The following RNF112 variants were observed in gnomAD, a reference collection of about 807,000 sequenced individuals.
RNF112 encodes the protein brain finger protein.
RNF112 carries 34 observed loss-of-function variants against 64.7 expected under a neutral mutation model. That is an observed-to-expected ratio of 0.53 (90% CI 0.40 to 0.70). The LOEUF is 0.70. RNF112 is among the 30% of genes least tolerant of loss of function. RNF112 has a pLI of 0.00. For missense variants in RNF112, 734 were observed against 850.0 expected, an observed-to-expected ratio of 0.86 and a Z score of 1.70; for synonymous variants, 345 against 344.5, an observed-to-expected ratio of 1.00 and a Z score of -0.02.
rs771601300 is a variant in RNF112 at position 19,413,015 on chromosome 17, G to A, written c.459G>A (p.Gly153=). 62 of 1,611,584 alleles carry A rather than the reference G, an allele frequency of 3.8e-5. No homozygotes were observed. Among genetic ancestry groups the A allele is most frequent in the Non-Finnish European group, 4.8e-5 (57 of 1,179,214 alleles). Residue 153 remains glycine (G), a synonymous_variant, in exon 4 of 14, where the codon GGG becomes GGA. Coordinates refer to ENST00000461366, the MANE Select transcript of RNF112 (RefSeq NM_007148.5). The surrounding 1 kb of genome is among the most constrained non-coding windows in gnomAD (Gnocchi z 5.9). ...CTGGGGGCCTCATCCTTAGGATGGG[G>A]GCCATCAACCGCTGCCTGAAGCACC... ...NASGGLILRM[G]AINRCLKHPL...
In RNF112 at chr17:19,416,152, G is replaced by A; in HGVS notation, c.1873G>A (p.Glu625Lys). The change falls in exon 14 of 14, where the codon GAG (glutamate) becomes AAG (lysine). Residue 625 changes from glutamate to lysine, a missense_variant. Glu to Lys is a moderately conservative substitution (Grantham distance 56, BLOSUM62 1). Transcript: ENST00000461366. Reference protein sequence around the residue: ...EDERLLEGDREPLLQEE With the variant: ...EDERLLEGDRKPLLQEE ...TGAGAGGCTTCTGGAAGGGGACCGA[G>A]AGCCCCTTCTCCAGGAAGAGTAACA... is the stretch of plus-strand genomic sequence containing the variant. The A allele has an allele frequency of 6.4e-7, 1 of 1,564,110 alleles. No homozygotes were observed. Among genetic ancestry groups the A allele is most frequent in the South Asian group, 1.2e-5 (1 of 84,952 alleles).
chr17:19,415,569 T>G lies in RNF112; in HGVS notation c.1402T>G (p.Phe468Val). 6.2e-7 allele frequency: 1 copy of G among 1,611,792 alleles called. No individual in the cohort carries two copies. Among genetic ancestry groups the G allele is most frequent in the Non-Finnish European group, 8.5e-7 (1 of 1,179,288 alleles). Residue 468 changes from phenylalanine to valine, a missense_variant, in exon 13 of 14, where the codon TTC becomes GTC. Coordinates refer to ENST00000461366, the MANE Select transcript of RNF112 (RefSeq NM_007148.5). This position sits in a 1 kb window ranked among gnomAD's most constrained non-coding sequence, Gnocchi z 7.8. Reference sequence around the variant, plus strand: ...GAAGGTGGAAGCTGCCAAGAGGGAGTTCGAGGAGTATGTGAGGCAGCAGGT... The same window carrying G: ...GAAGGTGGAAGCTGCCAAGAGGGAGGTCGAGGAGTATGTGAGGCAGCAGGT... ...LRKVEAAKRE[F>V]EEYVRQQDVA... is the part of the protein sequence containing the mutation.
rs1408039741 is a variant in RNF112, at chr17:19,415,838, C to T, written c.1559C>T (p.Thr520Ile). Residue 520 changes from threonine (T) to isoleucine (I), a missense_variant, in exon 14 of 14, where the codon ACC (threonine) becomes ATC (isoleucine). Transcript: ENST00000461366. The surrounding 1 kb of genome is among the most constrained non-coding windows in gnomAD (Gnocchi z 7.8). ...TTACTCTGCAAGGGGAGAGATCAGA[C>T]CTTGGAGGCACTGGAAGCTGAGCTG... The part of the protein sequence containing the change: ...VALLCKGRDQ[T>I]LEALEAELQA... The T allele has an allele frequency of 5.0e-6, 8 of 1,613,724 alleles. No homozygotes were observed. Among genetic ancestry groups the T allele is most frequent in the Non-Finnish European group, 6.8e-6 (8 of 1,179,894 alleles).
Position 19,414,162 on chromosome 17 carries a change from T to C in RNF112, c.876+17T>C, listed in dbSNP as rs1328465969. Reference sequence around the variant, plus strand: ...TATCTGGAGGTAAAGAGACCTCTGATGTTGGGGCATCCCCCACCCCCACCC... The same window carrying C: ...TATCTGGAGGTAAAGAGACCTCTGACGTTGGGGCATCCCCCACCCCCACCC... On this transcript the variant is annotated intron_variant, in intron 7 of 13. Transcript: ENST00000461366. 6.3e-7 allele frequency: 1 copy of C among 1,599,056 alleles called. No homozygotes were observed. The highest frequency in any genetic ancestry group is 8.6e-7 in the Non-Finnish European group (1 of 1,167,694).
chr17:19,414,939 C>T (rs755508674), intron 10 of RNF112, 52 bp downstream of exon 10: 29 of 1,595,940 alleles, frequency 1.8e-5, no homozygotes, highest in African/African-American at 4.0e-5. Flanking sequence ...AGCTCCCCTC[C>T]GGCAACCGAG....
rs2152300303 is a variant in RNF112 at position 19,415,463 on chromosome 17, A to G, written c.1351-55A>G. The G allele has an allele frequency of 6.4e-7, 1 of 1,572,416 alleles. No homozygotes were observed. The highest frequency in any genetic ancestry group is 8.6e-7 in the Non-Finnish European group (1 of 1,158,430). On this transcript the variant is annotated intron_variant, in intron 12 of 13. Coordinates refer to ENST00000461366, the MANE Select transcript of RNF112 (RefSeq NM_007148.5). This position sits in a 1 kb window ranked among gnomAD's most constrained non-coding sequence, Gnocchi z 7.8. ...TGGGAGTGGAGATGAGGAAACAAGC[A>G]GCGCCCCTGGCTGAGAAGGAAGGAA...
chr17:19,416,379 A>G lies in RNF112; in HGVS notation c.*204A>G. On this transcript the variant is annotated 3_prime_UTR_variant, in exon 14 of 14. Transcript: ENST00000461366. The stretch of plus-strand genomic sequence containing the variant: ...GGGAGGCAGCATCTGGGGGCAGTGG[A>G]TAGAACACCCGGCCTGTTTCTGGTT... The G allele has an allele frequency of 1.8e-6, 1 of 555,714 alleles. No homozygotes were observed. The highest frequency in any genetic ancestry group is 3.5e-5 in the Admixed American group (1 of 28,816). The allele number at this position is 555,714 out of a possible 1,614,324, so 34.4% of individuals were successfully genotyped here.
intron 2 of RNF112, 57 bp downstream of exon 2, chr17:19,411,727 T>G (rs1244044748): frequency 2.6e-6 from 4 of 1,523,452 alleles, no homozygotes; most frequent in Non-Finnish European, 3.6e-6. Context: ...GCAGGTCAGT[T>G]GAAATGGCCG....
At chr17:19,411,742 T>G (rs1052539963) in intron 2 of RNF112, 72 bp downstream of exon 2, 1 of 1,476,010 alleles carries the variant, frequency 6.8e-7, no homozygotes, top group African/African-American at 1.4e-5. Flanking sequence ...TGGCCGGTCC[T>G]GGAACACAGA....
chr17:19,413,386 T>C lies in RNF112; in HGVS notation c.695T>C (p.Phe232Ser). The C allele has an allele frequency of 6.2e-7, 1 of 1,612,460 alleles. No individual in the cohort carries two copies. The highest frequency in any genetic ancestry group is 8.5e-7 in the Non-Finnish European group (1 of 1,179,120). The change falls in exon 5 of 14, where the codon TTC (phenylalanine) becomes TCC (serine). Residue 232 changes from phenylalanine to serine, a missense_variant. By Grantham distance (155) the Phe-to-Ser change is radical. Coordinates refer to ENST00000461366, the MANE Select transcript of RNF112 (RefSeq NM_007148.5). This position sits in a 1 kb window ranked among gnomAD's most constrained non-coding sequence, Gnocchi z 5.9. The part of the protein sequence containing the change: ...ARGIWMWSHP[F>S]LLGKEGKKVA... Reference sequence around the variant, plus strand: ...GGCATATGGATGTGGAGCCACCCCTTCTTGCTGGGGAAAGAAGGGAAGAAG... The same window carrying C: ...GGCATATGGATGTGGAGCCACCCCTCCTTGCTGGGGAAAGAAGGGAAGAAG...
In RNF112 at chr17:19,415,002, G is replaced by A; in HGVS notation, c.1127-36G>A. On this transcript the variant is annotated intron_variant, in intron 10 of 13. Transcript: ENST00000461366. This position sits in a 1 kb window ranked among gnomAD's most constrained non-coding sequence, Gnocchi z 7.8. ...CTCTGACACCCCTTCTCCTCCCAAA[G>A]CCCGCAGTCTCTCAGCATGCACATC... 6.3e-7 allele frequency: 1 copy of A among 1,581,084 alleles called. No individual in the cohort carries two copies. The highest frequency in any genetic ancestry group is 8.6e-7 in the Non-Finnish European group (1 of 1,160,738).
In RNF112 at chr17:19,413,631, G is replaced by A; in HGVS notation, c.775G>A (p.Glu259Lys). 1 of 1,613,328 alleles carries A rather than the reference G, an allele frequency of 6.2e-7. No homozygotes were observed. Among genetic ancestry groups the A allele is most frequent in the Non-Finnish European group, 8.5e-7 (1 of 1,179,656 alleles). ...TGCCATGAGCCCTGAGCTGAGCAGG[G>A]AAACAAGGATCAAGCTCTGTGCTCT... is the stretch of plus-strand genomic sequence containing the variant. ...GDAMSPELSR[E>K]TRIKLCALTT... Residue 259 changes from glutamate (E) to lysine (K), a missense_variant, in exon 6 of 14, where the codon GAA becomes AAA. Transcript: ENST00000461366. This position sits in a 1 kb window ranked among gnomAD's most constrained non-coding sequence, Gnocchi z 5.9.
At chr17:19,414,211 G>A (rs1913781719) in intron 7 of RNF112, 66 bp downstream of exon 7, 1 of 1,433,774 alleles carries the variant, frequency 7.0e-7, no homozygotes, top group Non-Finnish European at 9.8e-7. Context: ...TGGACCCAAA[G>A]GAACTAGGTG....
chr17:19,414,385 G>T (rs1238347477), intron 7 of RNF112, 64 bp from the exon 8 acceptor site: 1 of 1,594,342 alleles, frequency 6.3e-7, no homozygotes, highest in Non-Finnish European at 8.6e-7. Flanking sequence ...GGGGAGACAG[G>T]CTTGGGGTGC....
Position 19,412,822 on chromosome 17 carries a change from G to T in RNF112, c.381+39G>T. 6.3e-7 allele frequency: 1 copy of T among 1,595,860 alleles called. No individual in the cohort carries two copies. Among genetic ancestry groups the T allele is most frequent in the Non-Finnish European group, 8.5e-7 (1 of 1,174,916 alleles). On this transcript the variant is annotated intron_variant, in intron 3 of 13. Transcript: ENST00000461366. This position sits in a 1 kb window ranked among gnomAD's most constrained non-coding sequence, Gnocchi z 5.1. Reference sequence around the variant, plus strand: ...GCCTAATCAGTCAGACCCAAGAGGAGGGGGTGGCTTTGGCCCTATTCTAGA... The same window carrying T: ...GCCTAATCAGTCAGACCCAAGAGGATGGGGTGGCTTTGGCCCTATTCTAGA...
intron 1 of RNF112, 31 bp downstream of exon 1, chr17:19,411,493 G>T: frequency 2.5e-6 from 4 of 1,573,710 alleles, no homozygotes; most frequent in East Asian, 2.3e-5. Flanking sequence ...TCGGGAAGGA[G>T]AGTGGGGTGG....
In RNF112 at chr17:19,411,255, G is replaced by C. The variant is rs1029021606; in HGVS notation, c.-154G>C. ...TCACATTTCTTTTCCAGCTCTGACC[G>C]GGAGTCAGCTCCTCGGGGATACCAT... On this transcript the variant is annotated 5_prime_UTR_variant, in exon 1 of 14. Transcript: ENST00000461366. The C allele has an allele frequency of 1.5e-6, 1 of 653,330 alleles. No individual in the cohort carries two copies. The allele number at this position is 653,330 out of a possible 1,614,324, so 40.5% of individuals were successfully genotyped here.
rs1280556690 is a variant in RNF112, at chr17:19,414,512, C to T, written c.933+7C>T. The T allele has an allele frequency of 6.2e-7, 1 of 1,613,976 alleles. No homozygotes were observed. The highest frequency in any genetic ancestry group is 1.1e-5 in the South Asian group (1 of 91,092). On this transcript the variant is annotated splice_region_variant and intron_variant, in intron 8 of 13. Coordinates refer to ENST00000461366, the MANE Select transcript of RNF112 (RefSeq NM_007148.5). The stretch of plus-strand genomic sequence containing the variant: ...TGGGATGGTGCCAATCCAGGTGAGA[C>T]ACCTATCTCTGGATTCATTGGCCCC...
intron 2 of RNF112, 88 bp downstream of exon 2, chr17:19,411,758 G>T: frequency 7.1e-7 from 1 of 1,402,002 alleles, no homozygotes; most frequent in South Asian, 1.3e-5. Context: ...ACAGAGCCCG[G>T]CAGCCCAGCC....
Sources: allele counts gnomAD v4.1 joint callset, GRCh38; gene constraint gnomAD v4.1.1; non-coding constraint Gnocchi (gnomAD v3.1); transcripts MANE v1.5; gene names NCBI Gene and HGNC (gene_info 2026-07-23, HGNC 2026-07-21).